PLEKHH1: variants seen among roughly 807,000 people sequenced by gnomAD.
PLEKHH1 encodes pleckstrin homology domain-containing family H member 1.
Under a neutral mutation model 160.0 loss-of-function variants are expected in PLEKHH1, and 104 were observed. That is an observed-to-expected ratio of 0.65 (90% CI 0.55 to 0.76). PLEKHH1 has a LOEUF of 0.76. Ranked by LOEUF, PLEKHH1 falls within the 30% of genes least tolerant of loss-of-function variation. The probability of loss-of-function intolerance (pLI) is 0.00; values close to 1 mark genes in which losing one functional copy is unlikely to be tolerated. For missense variants in PLEKHH1, 1,427 were observed against 1,724.1 expected, an observed-to-expected ratio of 0.83 and a Z score of 3.05; for synonymous variants, 619 against 678.4, an observed-to-expected ratio of 0.91 and a Z score of 1.36.
chr14:67,539,679 T>A (rs905375858), intron 1 of PLEKHH1, among the ~76,000 whole-genome samples: 14 of 151,994 alleles, frequency 9.2e-5, no homozygotes, highest in Non-Finnish European at 2.1e-4. Context: ...ATTCTTTTTA[T>A]TTTTTTTGGA....
At position 67,587,422 on chromosome 14, in the gene PLEKHH1, T is replaced by C. The variant is rs141565088; in HGVS notation, c.*187T>C. On this transcript the variant is annotated 3_prime_UTR_variant, in exon 29 of 29. Transcript: ENST00000329153. ...CTTATAATGTTTCAGGGCTCAACTT[T>C]TTAAAATCCAGACCCAGTGTTAAAA... The C allele has an allele frequency of 8.0e-4, 521 of 654,116 alleles. No individual in the cohort carries two copies. The highest frequency in any genetic ancestry group is 8.0e-3 in the African/African-American group (438 of 55,020). The allele number at this position is 654,116 out of a possible 1,614,324, so 40.5% of individuals were successfully genotyped here. A position where few individuals can be genotyped will look rare whatever the true frequency, so the allele number is the denominator to read the frequency against.
intron 26 of PLEKHH1, among the ~76,000 whole-genome samples, 179 bp downstream of exon 26, chr14:67,584,303 A>G (rs2036044535): frequency 6.6e-6 from 1 of 152,216 alleles, no homozygotes; most frequent in African/African-American, 2.4e-5. Context: ...GTGATTGCTT[A>G]TCTTCATTTG....
At chr14:67,536,332 A>G (rs2033716333) in intron 1 of PLEKHH1, among the ~76,000 whole-genome samples, 2 of 151,874 alleles carry the variant, frequency 1.3e-5, no homozygotes, top group African/African-American at 4.9e-5. Context: ...GAAACGGGAC[A>G]CAAAGCTGTT....
At chr14:67,549,918 T>TA (rs1019220817) in intron 2 of PLEKHH1, among the ~76,000 whole-genome samples, 3 of 152,206 alleles carry the variant, frequency 2.0e-5, no homozygotes, top group Non-Finnish European at 2.9e-5. Context: ...ATGTGATTCT[T>TA]ACGCCCTTGA....
At chr14:67,552,257 G>A (rs2034421139) in intron 2 of PLEKHH1, among the ~76,000 whole-genome samples, 2 of 152,208 alleles carry the variant, frequency 1.3e-5, no homozygotes. Context: ...CATGGTCCTA[G>A]AGGACCCTGG....
In PLEKHH1 at chr14:67,586,093, C is replaced by G. The variant is rs2036146072; in HGVS notation, c.3929C>G (p.Pro1310Arg). The G allele has an allele frequency of 1.2e-6, 2 of 1,613,742 alleles. No homozygotes were observed. Among genetic ancestry groups the G allele is most frequent in the African/African-American group, 2.7e-5 (2 of 74,904 alleles). Residue 1310 changes from proline to arginine, a missense_variant, in exon 28 of 29, where the codon CCC (proline) becomes CGC (arginine). By Grantham distance (103) the Pro-to-Arg change is moderately radical. Around this residue, in one of 6 missense-constraint regions of PLEKHH1, gnomAD observed 96 missense variants for 97.6 expected, o/e 0.98. Transcript: ENST00000329153. ...IEKLIFRMAA[P>R]KIAEATFIMA... ...AAGTTGATCTTCCGGATGGCTGCTC[C>G]CAAGGTAGGTCTGACAGCTGTTAAA...
chr14:67,557,240 A>G, intron 3 of PLEKHH1, 29 bp from the exon 4 acceptor site: 1 of 1,606,932 alleles, frequency 6.2e-7, no homozygotes, highest in Non-Finnish European at 8.5e-7. Context: ...AGTGATGGGA[A>G]GACACTATGA....
intron 20 of PLEKHH1, 122 bp from the exon 21 acceptor site, chr14:67,579,012 G>T: frequency 1.4e-6 from 1 of 691,998 alleles, no homozygotes; most frequent in Non-Finnish European, 2.5e-6. Context: ...AGTCTTCAGG[G>T]CTTTTCTCAC....
intron 2 of PLEKHH1, among the ~76,000 whole-genome samples, chr14:67,547,600 C>T (rs1428823972): frequency 5.3e-5 from 8 of 152,154 alleles, no homozygotes; most frequent in African/African-American, 1.9e-4. Flanking sequence ...TGGGACATTA[C>T]ATGGGCTGAT....
Position 67,557,373 on chromosome 14 carries a change from C to A in PLEKHH1, c.294C>A (p.Gly98=), listed in dbSNP as rs777870314. The A allele has an allele frequency of 2.5e-6, 4 of 1,613,752 alleles. No individual in the cohort carries two copies. Among genetic ancestry groups the A allele is most frequent in the Non-Finnish European group, 3.4e-6 (4 of 1,179,842 alleles). The change falls in exon 4 of 29, where the codon GGC becomes GGA. Residue 98 remains glycine (G), a synonymous_variant. Transcript: ENST00000329153. ...AAGAATTGCTGAAAGCCATAAAGGG[C>A]AAAGATGAGCTCATCAGCCAGCTAG... is the stretch of plus-strand genomic sequence containing the variant. ...KYQELLKAIK[G]KDELISQLEA... is the part of the protein sequence containing the mutation.
At chr14:67,542,125 C>G (rs2033991950) in intron 2 of PLEKHH1, 132 bp downstream of exon 2, 5 of 882,564 alleles carry the variant, frequency 5.7e-6, no homozygotes, top group Admixed American at 3.2e-5. Context: ...AAAATGAAAC[C>G]CAAGGTAGTT....
At chr14:67,537,414 A>G (rs2033782351) in intron 1 of PLEKHH1, among the ~76,000 whole-genome samples, 1 of 149,174 alleles carries the variant, frequency 6.7e-6, no homozygotes, top group African/African-American at 2.5e-5. Context: ...CAGTGGCTCA[A>G]CACACTTTAG....
rs1395021975 is a variant in PLEKHH1, at chr14:67,562,265, A to G, written c.634A>G (p.Lys212Glu). ...CAGTGGCTCCCAGGCCCAGGGTCTG[A>G]AGGCAGCTGTGCTTGCACCTTCCCC... ...QDSGSQAQGL[K>E]AAVLAPSPGA... is the part of the protein sequence containing the mutation. The change falls in exon 7 of 29, where the codon AAG (lysine) becomes GAG (glutamate). Residue 212 changes from lysine (K) to glutamate (E), a missense_variant. Lys to Glu is a moderately conservative substitution (Grantham distance 56). Transcript: ENST00000329153. 3 of 1,613,422 alleles carry G rather than the reference A, an allele frequency of 1.9e-6. No homozygotes were observed. Among genetic ancestry groups the G allele is most frequent in the Admixed American group, 3.3e-5 (2 of 59,942 alleles).
At chr14:67,546,636 C>T (rs935261120) in intron 2 of PLEKHH1, among the ~76,000 whole-genome samples, 4 of 152,180 alleles carry the variant, frequency 2.6e-5, no homozygotes, top group South Asian at 2.1e-4. Context: ...GTGATCCACC[C>T]GCCTCAGCCT....
chr14:67,576,309 T>C lies in PLEKHH1; in HGVS notation c.2353-86T>C. The C allele has an allele frequency of 1.4e-6, 1 of 726,654 alleles. No homozygotes were observed. Among genetic ancestry groups the C allele is most frequent in the Non-Finnish European group, 2.3e-6 (1 of 428,022 alleles). 45.0% of individuals were successfully genotyped at this position (726,654 alleles called of 1,614,324 possible). On this transcript the variant is annotated intron_variant, in intron 16 of 28. Coordinates refer to ENST00000329153, the MANE Select transcript of PLEKHH1 (RefSeq NM_020715.3). The surrounding 1 kb of genome is among the most constrained non-coding windows in gnomAD (Gnocchi z 4.0). ...AAACTAGCTGAACCCCACATGGGCT[T>C]GGTCCCTTCAAGGAGTCCTCCTTGG...
chr14:67,583,787 G>C lies in PLEKHH1; in HGVS notation c.3473G>C (p.Gly1158Ala), dbSNP rs992392045. Reference protein sequence around the residue: ...LEKPALPGPGGTSPAKAQHLL... With the variant: ...LEKPALPGPGATSPAKAQHLL... Reference sequence around the variant, plus strand: ...AAGCCTGCCCTGCCAGGCCCTGGAGGCACATCCCCTGCCAAGGCTCAGCAT... The same window carrying C: ...AAGCCTGCCCTGCCAGGCCCTGGAGCCACATCCCCTGCCAAGGCTCAGCAT... The change falls in exon 25 of 29, where the codon GGC (glycine) becomes GCC (alanine). Residue 1158 changes from glycine (G) to alanine (A), a missense_variant. Physicochemically the swap from Gly to Ala is moderately conservative, Grantham distance 60. Coordinates refer to ENST00000329153, the MANE Select transcript of PLEKHH1 (RefSeq NM_020715.3). The C allele has an allele frequency of 6.2e-6, 10 of 1,612,580 alleles. No homozygotes were observed. The Admixed American group carries it at 1.0e-4, about 16-fold the overall frequency.
Position 67,552,412 on chromosome 14 carries a change from G to T in PLEKHH1, c.127-3413G>T, listed in dbSNP as rs983950672. 2.0e-5 allele frequency among the ~76,000 whole-genome samples: 3 copies of T among 152,190 alleles called. No homozygotes were observed. The South Asian group carries it at 6.2e-4, about 31-fold the overall frequency. ...TCAGACATTAGTTTTAGAGAAAAAA[G>T]AATACTGCAACATAAAAGTGAATAT... is the stretch of plus-strand genomic sequence containing the variant. On this transcript the variant is annotated intron_variant, in intron 2 of 28. Coordinates refer to ENST00000329153, the MANE Select transcript of PLEKHH1 (RefSeq NM_020715.3).
intron 22 of PLEKHH1, chr14:67,580,170 G>A (rs2035825702): frequency 3.4e-6 from 1 of 295,766 alleles, no homozygotes; most frequent in Non-Finnish European, 6.4e-6. Context: ...GGACAGTGAG[G>A]CCCCACGAAG....
At chr14:67,575,525 T>G in intron 15 of PLEKHH1, 53 bp downstream of exon 15, 6 of 1,113,196 alleles carry the variant, frequency 5.4e-6, no homozygotes, top group Non-Finnish European at 8.1e-6. Flanking sequence ...CCGAAGCACA[T>G]GACTGCCACT....
Sources: gnomAD v4.1 joint callset for allele counts (sites outside exome capture counted in the v4.1 genomes callset) on GRCh38, gnomAD v4.1.1 for gene constraint, gnomAD v4.1.1 regional missense constraint, Gnocchi (gnomAD v3.1) non-coding constraint, MANE v1.5 for transcripts, NCBI Gene and HGNC (gene_info 2026-07-23, HGNC 2026-07-21) for gene names.